The following TCF19 variants were observed in gnomAD, a reference collection of about 807,000 sequenced individuals.
The protein encoded by TCF19 is transcription factor 19.
TCF19 carries 9 observed loss-of-function variants against 18.3 expected under a neutral mutation model. The ratio of observed to expected loss-of-function variants is 0.49; its 90% CI spans 0.30 to 0.86. The LOEUF (loss-of-function observed/expected upper bound fraction) is 0.86. TCF19 is among the 40% of genes least tolerant of loss of function. The pLI is 0.07. For synonymous variants in TCF19, 176 were observed against 185.3 expected, an observed-to-expected ratio of 0.95 and a Z score of 0.41; for missense variants, 376 against 464.3, an observed-to-expected ratio of 0.81 and a Z score of 1.75.
At chr6:31,161,140 C>G (rs1434952780) in intron 2 of TCF19, among the ~76,000 whole-genome samples, 1 of 86,128 alleles carries the variant, frequency 1.2e-5, no homozygotes, top group Non-Finnish European at 2.3e-5. Flanking sequence ...GGCAATAGAG[C>G]AAAACTCCAT....
Position 31,162,995 on chromosome 6 carries a change from A to G in TCF19, c.*278A>G, listed in dbSNP as rs1274304400. On this transcript the variant is annotated 3_prime_UTR_variant, in exon 4 of 4. Coordinates refer to ENST00000376257, the MANE Select transcript of TCF19 (RefSeq NM_007109.3). The surrounding 1 kb of genome is among the most constrained non-coding windows in gnomAD (Gnocchi z 4.5). Reference sequence around the variant, plus strand: ...AAGCCATAAGGCCATGTTGCCATGGACACCAGAATATCTGTAGTCAGAGCA... The same window carrying G: ...AAGCCATAAGGCCATGTTGCCATGGGCACCAGAATATCTGTAGTCAGAGCA... The G allele has an allele frequency of 7.5e-7, 1 of 1,336,922 alleles. No individual in the cohort carries two copies. Among genetic ancestry groups the G allele is most frequent in the Non-Finnish European group, 9.6e-7 (1 of 1,046,664 alleles). 82.8% of individuals were successfully genotyped at this position (1,336,922 alleles called of 1,614,324 possible). A position where few individuals can be genotyped will look rare whatever the true frequency, so the allele number is the denominator to read the frequency against.
In TCF19 at chr6:31,161,792, G is replaced by T; in HGVS notation, c.584G>T (p.Ser195Ile). 2 of 1,610,088 alleles carry T rather than the reference G, an allele frequency of 1.2e-6. No homozygotes were observed. Among genetic ancestry groups the T allele is most frequent in the Non-Finnish European group, 1.7e-6 (2 of 1,178,328 alleles). ...CCCCAGCCCCTCACCTTCTCCCCTAGTTGGGGTGGACCAAAGAGCCTGCCT... is the reference window on the plus strand; with the variant it reads ...CCCCAGCCCCTCACCTTCTCCCCTATTTGGGGTGGACCAAAGAGCCTGCCT... Reference protein sequence around the residue: ...LRPQPLTFSPSWGGPKSLPVP... With the variant: ...LRPQPLTFSPIWGGPKSLPVP... The change falls in exon 3 of 4, where the codon AGT (serine) becomes ATT (isoleucine). Residue 195 changes from serine to isoleucine, a missense_variant. Transcript: ENST00000376257.
chr6:31,162,942 C>T lies in TCF19; in HGVS notation c.*225C>T. 1 of 1,406,278 alleles carries T rather than the reference C, an allele frequency of 7.1e-7. No individual in the cohort carries two copies. Among genetic ancestry groups the T allele is most frequent in the Non-Finnish European group, 9.2e-7 (1 of 1,085,238 alleles). 87.1% of individuals were successfully genotyped at this position (1,406,278 alleles called of 1,614,324 possible). A position where few individuals can be genotyped will look rare whatever the true frequency, so the allele number is the denominator to read the frequency against. ...AGATATTGCCACCTCCAGGAAATTG[C>T]CAGTGAGCTGGAAGTTCCCACTATT... On this transcript the variant is annotated 3_prime_UTR_variant, in exon 4 of 4. Transcript: ENST00000376257. The surrounding 1 kb of genome is among the most constrained non-coding windows in gnomAD (Gnocchi z 4.5).
Position 31,163,949 on chromosome 6 carries a change from G to C in TCF19, c.*1232G>C. ...GCAGAGTATGCAAAAACCTTAAGTG[G>C]AAACCAAATAGACCCTGGTATCAAG... On this transcript the variant is annotated 3_prime_UTR_variant, in exon 4 of 4. Coordinates refer to ENST00000376257, the MANE Select transcript of TCF19 (RefSeq NM_007109.3). 11 of 986,292 alleles carry C rather than the reference G, an allele frequency of 1.1e-5. No individual in the cohort carries two copies. Among genetic ancestry groups the C allele is most frequent in the Non-Finnish European group, 1.3e-5 (11 of 830,570 alleles). 61.1% of individuals were successfully genotyped at this position (986,292 alleles called of 1,614,324 possible).
At position 31,159,234 on chromosome 6, in the gene TCF19, C is replaced by T; in HGVS notation, c.-236C>T. 1 of 517,446 alleles carries T rather than the reference C, an allele frequency of 1.9e-6. No homozygotes were observed. Among genetic ancestry groups the T allele is most frequent in the South Asian group, 3.2e-5 (1 of 31,658 alleles). 32.1% of individuals were successfully genotyped at this position (517,446 alleles called of 1,614,324 possible). A position where few individuals can be genotyped will look rare whatever the true frequency, so the allele number is the denominator to read the frequency against. The stretch of plus-strand genomic sequence containing the variant: ...TCCTGAGTTTGCATTGCACGGAGAC[C>T]TTCCTGGAATTTTTCATTTGCAAGT... On this transcript the variant is annotated 5_prime_UTR_variant, in exon 2 of 4. Transcript: ENST00000376257.
chr6:31,159,159 A>C lies in TCF19; in HGVS notation c.-311A>C. ...GCCTTGCAGATTGGAGGCTCCCCAA[A>C]TATTTTGCGATCTGAGGATCCAGCT... On this transcript the variant is annotated 5_prime_UTR_variant, in exon 2 of 4. Coordinates refer to ENST00000376257, the MANE Select transcript of TCF19 (RefSeq NM_007109.3). The C allele has an allele frequency of 2.5e-6, 1 of 404,920 alleles. No homozygotes were observed. Among genetic ancestry groups the C allele is most frequent in the Non-Finnish European group, 4.4e-6 (1 of 226,174 alleles). The allele number at this position is 404,920 out of a possible 1,614,324, so 25.1% of individuals were successfully genotyped here.
Position 31,162,089 on chromosome 6 carries a change from G to C in TCF19, c.797+84G>C. On this transcript the variant is annotated intron_variant, in intron 3 of 3. Coordinates refer to ENST00000376257, the MANE Select transcript of TCF19 (RefSeq NM_007109.3). This position sits in a 1 kb window ranked among gnomAD's most constrained non-coding sequence, Gnocchi z 4.5. ...CCCTAGGCTGTGAGGAGGTCCCCCT[G>C]CCTGGGGGGATGGGCACGGGAGGTG... 1 of 1,418,208 alleles carries C rather than the reference G, an allele frequency of 7.1e-7. No homozygotes were observed. The highest frequency in any genetic ancestry group is 9.5e-7 in the Non-Finnish European group (1 of 1,057,116). 87.9% of individuals were successfully genotyped at this position (1,418,208 alleles called of 1,614,324 possible). A position where few individuals can be genotyped will look rare whatever the true frequency, so the allele number is the denominator to read the frequency against.
chr6:31,161,878 A>G lies in TCF19; in HGVS notation c.670A>G (p.Arg224Gly). The G allele has an allele frequency of 6.2e-7, 1 of 1,612,974 alleles. No individual in the cohort carries two copies. ...TPSAPPQRNR[R>G]KSVHRVLAEL... is the part of the protein sequence containing the mutation. The stretch of plus-strand genomic sequence containing the variant: ...TTCTGCTCCACCACAACGCAATCGG[A>G]GGAAATCTGTTCACCGAGTGTTGGC... The change falls in exon 3 of 4, where the codon AGG (arginine) becomes GGG (glycine). Residue 224 changes from arginine (R) to glycine (G), a missense_variant. By Grantham distance (125) the Arg-to-Gly change is moderately radical. Coordinates refer to ENST00000376257, the MANE Select transcript of TCF19 (RefSeq NM_007109.3).
At chr6:31,160,885 C>T (rs1207788865) in intron 2 of TCF19, among the ~76,000 whole-genome samples, 2 of 151,668 alleles carry the variant, frequency 1.3e-5, no homozygotes, top group South Asian at 2.1e-4. Flanking sequence ...GGGCGGGGCA[C>T]GGTGGCTCAC....
chr6:31,162,064 C>G lies in TCF19; in HGVS notation c.797+59C>G. The G allele has an allele frequency of 6.6e-7, 1 of 1,518,816 alleles. No homozygotes were observed. Among genetic ancestry groups the G allele is most frequent in the Non-Finnish European group, 8.9e-7 (1 of 1,129,212 alleles). The allele number at this position is 1,518,816 out of a possible 1,614,324, so 94.1% of individuals were successfully genotyped here. A position where few individuals can be genotyped will look rare whatever the true frequency, so the allele number is the denominator to read the frequency against. ...TTTACTGCTTTTCGATTCCTTGTAT[C>G]CCTAGGCTGTGAGGAGGTCCCCCTG... On this transcript the variant is annotated intron_variant, in intron 3 of 3. Transcript: ENST00000376257. This position sits in a 1 kb window ranked among gnomAD's most constrained non-coding sequence, Gnocchi z 4.5.
chr6:31,160,101 T>C (rs1297089637), intron 2 of TCF19, among the ~76,000 whole-genome samples: 1 of 152,244 alleles, frequency 6.6e-6, no homozygotes, highest in Non-Finnish European at 1.5e-5. Flanking sequence ...CTTGAGGCAG[T>C]TAGCCTCAGA....
Position 31,159,532 on chromosome 6 carries a change from C to A in TCF19, c.63C>A (p.Phe21Leu). 2 of 1,604,980 alleles carry A rather than the reference C, an allele frequency of 1.2e-6. No homozygotes were observed. The stretch of plus-strand genomic sequence containing the variant: ...GCAGGGGCGGTGATCTCTACACCTT[C>A]CACCCCCCCGCCGGGGCTGGCTGCA... Reference protein sequence around the residue: ...GGGRGGDLYTFHPPAGAGCTY... With the variant: ...GGGRGGDLYTLHPPAGAGCTY... Residue 21 changes from phenylalanine to leucine, a missense_variant, in exon 2 of 4, where the codon TTC becomes TTA. Transcript: ENST00000376257.
Position 31,162,061 on chromosome 6 carries a change from T to C in TCF19, c.797+56T>C. 1 of 1,534,112 alleles carries C rather than the reference T, an allele frequency of 6.5e-7. No homozygotes were observed. The highest frequency in any genetic ancestry group is 8.8e-7 in the Non-Finnish European group (1 of 1,135,872). On this transcript the variant is annotated intron_variant, in intron 3 of 3. Transcript: ENST00000376257. This position sits in a 1 kb window ranked among gnomAD's most constrained non-coding sequence, Gnocchi z 4.5. Reference sequence around the variant, plus strand: ...TGTTTTACTGCTTTTCGATTCCTTGTATCCCTAGGCTGTGAGGAGGTCCCC... The same window carrying C: ...TGTTTTACTGCTTTTCGATTCCTTGCATCCCTAGGCTGTGAGGAGGTCCCC...
Position 31,159,441 on chromosome 6 carries a change from G to GA in TCF19, c.-27dup, listed in dbSNP as rs759847844. On this transcript the variant is annotated 5_prime_UTR_variant, in exon 2 of 4. Coordinates refer to ENST00000376257, the MANE Select transcript of TCF19 (RefSeq NM_007109.3). ...GGAAAGGAAATGGATGCCTGAAGTG[G>GA]AAGAGGTGGTGCAGAGGGGGCACCG... 6.3e-5 allele frequency: 96 copies of GA among 1,516,426 alleles called. No homozygotes were observed. The highest frequency in any genetic ancestry group is 7.9e-5 in the Non-Finnish European group (89 of 1,124,110). 93.9% of individuals were successfully genotyped at this position (1,516,426 alleles called of 1,614,324 possible). A position where few individuals can be genotyped will look rare whatever the true frequency, so the allele number is the denominator to read the frequency against.
Position 31,163,609 on chromosome 6 carries a change from C to T in TCF19, c.*892C>T. 1 of 985,462 alleles carries T rather than the reference C, an allele frequency of 1.0e-6. No homozygotes were observed. The highest frequency in any genetic ancestry group is 1.2e-6 in the Non-Finnish European group (1 of 829,970). 61.0% of individuals were successfully genotyped at this position (985,462 alleles called of 1,614,324 possible). A position where few individuals can be genotyped will look rare whatever the true frequency, so the allele number is the denominator to read the frequency against. ...TGATGGCTGTGACACAGCTCCACTC[C>T]ACGGGTGGACACAGCAGAGGGCAAC... is the stretch of plus-strand genomic sequence containing the variant. On this transcript the variant is annotated 3_prime_UTR_variant, in exon 4 of 4. Coordinates refer to ENST00000376257, the MANE Select transcript of TCF19 (RefSeq NM_007109.3).
Position 31,162,224 on chromosome 6 carries a change from G to A in TCF19, c.797+219G>A, listed in dbSNP as rs1776832891. Among the ~76,000 whole-genome samples the A allele has an allele frequency of 6.6e-6, 1 of 152,136 alleles. No individual in the cohort carries two copies. Among genetic ancestry groups the A allele is most frequent in the Non-Finnish European group, 1.5e-5 (1 of 68,028 alleles). On this transcript the variant is annotated intron_variant, in intron 3 of 3. Coordinates refer to ENST00000376257, the MANE Select transcript of TCF19 (RefSeq NM_007109.3). This position sits in a 1 kb window ranked among gnomAD's most constrained non-coding sequence, Gnocchi z 4.5. ...AGTGCTTATAAAACAACCGGAGTGA[G>A]CATGTCCTGCTTTTTACATTCATAT...
chr6:31,160,247 T>C (rs1413899276), intron 2 of TCF19, among the ~76,000 whole-genome samples: 1 of 152,108 alleles, frequency 6.6e-6, no homozygotes, highest in East Asian at 1.9e-4. Context: ...TTTAAGTGTA[T>C]TGAATGTAGG....
rs769682244 is a variant in TCF19, at chr6:31,161,733, C to T, written c.525C>T (p.Ile175=). ...CCCCTGCCCCCAAGGCCACACTGAT[C>T]CTAAACTCCATAGGCAGCCTCAGCA... ...TFSPAPKATL[I]LNSIGSLSKL... Residue 175 remains isoleucine (I), a synonymous_variant, in exon 3 of 4, where the codon ATC becomes ATT. Coordinates refer to ENST00000376257, the MANE Select transcript of TCF19 (RefSeq NM_007109.3). 6.3e-7 allele frequency: 1 copy of T among 1,575,586 alleles called. No homozygotes were observed. The highest frequency in any genetic ancestry group is 8.6e-7 in the Non-Finnish European group (1 of 1,160,270).
chr6:31,159,538 C>T lies in TCF19; in HGVS notation c.69C>T (p.Pro23=). The part of the protein sequence containing the change: ...GRGGDLYTFH[P]PAGAGCTYRL... ...GCGGTGATCTCTACACCTTCCACCC[C>T]CCCGCCGGGGCTGGCTGCACCTATC... The change falls in exon 2 of 4, where the codon CCC becomes CCT. Residue 23 remains proline (P), a synonymous_variant. Coordinates refer to ENST00000376257, the MANE Select transcript of TCF19 (RefSeq NM_007109.3). 1.2e-6 allele frequency: 2 copies of T among 1,606,332 alleles called. No homozygotes were observed. Among genetic ancestry groups the T allele is most frequent in the Admixed American group, 1.7e-5 (1 of 59,174 alleles).
Sources: gnomAD v4.1 joint callset for allele counts (sites outside exome capture counted in the v4.1 genomes callset) on GRCh38, gnomAD v4.1.1 for gene constraint, Gnocchi (gnomAD v3.1) non-coding constraint, MANE v1.5 for transcripts, NCBI Gene and HGNC (gene_info 2026-07-23, HGNC 2026-07-21) for gene names.